The following GALNTL5 variants were observed in gnomAD, a reference collection of about 807,000 sequenced individuals.
GALNTL5 encodes polypeptide N-acetylgalactosaminyltransferase like 5, also known as inactive polypeptide N-acetylgalactosaminyltransferase-like protein 5.
A neutral mutation model predicts 51.0 loss-of-function variants in GALNTL5; 44 were observed. The observed-to-expected ratio is 0.86, with a 90% CI of 0.68 to 1.11. The LOEUF (loss-of-function observed/expected upper bound fraction) is 1.11, where lower values mean the gene tolerates loss of function less well. GALNTL5 is among the 50% of genes least tolerant of loss of function. GALNTL5 has a pLI of 0.00. For missense variants in GALNTL5, 528 were observed against 531.8 expected, an observed-to-expected ratio of 0.99 and a Z score of 0.07; for synonymous variants, 192 against 182.8, an observed-to-expected ratio of 1.05 and a Z score of -0.41.
chr7:151,956,724 A>G (rs1178467211), intron 1 of GALNTL5, 115 bp downstream of exon 1: 1 of 152,172 alleles, frequency 6.6e-6, no homozygotes, highest in East Asian at 1.9e-4. Flanking sequence ...AGGAGGTGCT[A>G]GCTCTGGGGA....
chr7:151,971,814 C>T (rs1029113536), intron 3 of GALNTL5, among the ~76,000 whole-genome samples: 10 of 151,108 alleles, frequency 6.6e-5, no homozygotes, highest in African/African-American at 2.2e-4. Flanking sequence ...GTAGCAGTTT[C>T]CCCTGCATTC....
chr7:151,996,895 G>A lies in GALNTL5; in HGVS notation c.659-5819G>A, dbSNP rs116379799. Among the ~76,000 whole-genome samples the A allele has an allele frequency of 2.2e-3, 328 of 152,072 alleles. 1 individual carries two copies. The highest frequency in any genetic ancestry group is 7.1e-3 in the African/African-American group (296 of 41,478). ...ATGTAAAATAAATTATATATAATGA[G>A]TTACGTTTAAGGGTGAAAATGTGGA... On this transcript the variant is annotated intron_variant, in intron 5 of 8. Coordinates refer to ENST00000392800, the MANE Select transcript of GALNTL5 (RefSeq NM_145292.4).
At chr7:151,972,997 A>G (rs2081163789) in intron 3 of GALNTL5, among the ~76,000 whole-genome samples, 2 of 152,080 alleles carry the variant, frequency 1.3e-5, no homozygotes, top group Non-Finnish European at 2.9e-5. Flanking sequence ...TGCACCATGC[A>G]CTTGGAAAAG....
chr7:151,963,011 A>G (rs771000192), intron 1 of GALNTL5, among the ~76,000 whole-genome samples: 17 of 152,196 alleles, frequency 1.1e-4, no homozygotes, highest in Non-Finnish European at 1.8e-4. Flanking sequence ...AGCCCTTTAC[A>G]TAGCTGAAAA....
intron 2 of GALNTL5, among the ~76,000 whole-genome samples, chr7:151,968,079 T>G (rs1193012975): frequency 6.6e-6 from 1 of 152,122 alleles, no homozygotes; most frequent in African/African-American, 2.4e-5. Context: ...GAGGATCACT[T>G]GAGGCCAGGA....
At chr7:151,958,485 C>T (rs919016588) in intron 1 of GALNTL5, among the ~76,000 whole-genome samples, 2 of 152,220 alleles carry the variant, frequency 1.3e-5, no homozygotes, top group Non-Finnish European at 2.9e-5. Context: ...CTCTCTGTCT[C>T]CTTCCTGCCA....
chr7:151,957,855 G>C (rs1409765930), intron 1 of GALNTL5: 1 of 151,978 alleles, frequency 6.6e-6, no homozygotes, highest in African/African-American at 2.4e-5. Context: ...AAGTCCAAAG[G>C]CCAATCACAC....
chr7:152,011,453 C>G (rs951074105), intron 7 of GALNTL5, among the ~76,000 whole-genome samples: 7 of 152,242 alleles, frequency 4.6e-5, no homozygotes, highest in African/African-American at 1.4e-4. Context: ...CACCTGATCT[C>G]CCCGACACCT....
chr7:152,018,358 C>CTGTT (rs969653850), intron 8 of GALNTL5, among the ~76,000 whole-genome samples: 15 of 152,102 alleles, frequency 9.9e-5, no homozygotes, highest in Non-Finnish European at 7.4e-5. Context: ...TATAGCTGAA[C>CTGTT]TGTTTGTTTG....
intron 1 of GALNTL5, among the ~76,000 whole-genome samples, chr7:151,958,567 AGG>A (rs2080953842): frequency 6.6e-6 from 1 of 152,068 alleles, no homozygotes; most frequent in South Asian, 2.1e-4. Flanking sequence ...AAACAGTGCA[AGG>A]GGTGTGTTGC....
At chr7:152,007,552 G>A (rs1009006194) in intron 6 of GALNTL5, among the ~76,000 whole-genome samples, 1 of 151,366 alleles carries the variant, frequency 6.6e-6, no homozygotes, top group Non-Finnish European at 1.5e-5. Context: ...CCGAGTAGCT[G>A]GGACTACAGG....
At chr7:152,019,025 T>C (rs2081854817) in intron 8 of GALNTL5, among the ~76,000 whole-genome samples, 1 of 152,222 alleles carries the variant, frequency 6.6e-6, no homozygotes. Context: ...TGGGGCTTCC[T>C]TAAGTCAGAG....
intron 5 of GALNTL5, among the ~76,000 whole-genome samples, chr7:151,998,207 T>C (rs2081524967): frequency 1.3e-5 from 2 of 152,140 alleles, no homozygotes; most frequent in South Asian, 2.1e-4. Flanking sequence ...AGACTGTCTC[T>C]GTAAAAACAT....
chr7:152,007,196 G>A (rs1268617446), intron 6 of GALNTL5, among the ~76,000 whole-genome samples: 4 of 152,064 alleles, frequency 2.6e-5, no homozygotes, highest in Non-Finnish European at 4.4e-5. Context: ...TTTAGAAAGG[G>A]AGAGCTCTGA....
intron 1 of GALNTL5, chr7:151,960,352 C>G (rs2080976350): frequency 6.6e-6 from 1 of 152,396 alleles, no homozygotes; most frequent in Admixed American, 6.5e-5. Flanking sequence ...CAGGGGCTTT[C>G]AGAACACCAC....
rs1563004351 is a variant in GALNTL5, at chr7:151,971,069, T to C, written c.368+4T>C. On this transcript the variant is annotated splice_donor_region_variant and intron_variant, in intron 3 of 8. Transcript: ENST00000392800. The stretch of plus-strand genomic sequence containing the variant: ...TGCCAGATACCAGGAGTAAAATGTA[T>C]GTTGTCTCTCTCTTTCTCTCATTCT... The C allele has an allele frequency of 6.2e-7, 1 of 1,604,354 alleles. No individual in the cohort carries two copies. The highest frequency in any genetic ancestry group is 8.5e-7 in the Non-Finnish European group (1 of 1,172,528).
At chr7:152,006,870 C>G (rs1450289075) in intron 6 of GALNTL5, among the ~76,000 whole-genome samples, 1 of 152,000 alleles carries the variant, frequency 6.6e-6, no homozygotes, top group Non-Finnish European at 1.5e-5. Context: ...CAGGTTCAAG[C>G]GATTCTCATG....
At chr7:152,008,006 A>G in intron 7 of GALNTL5, 62 bp downstream of exon 7, 1 of 895,930 alleles carries the variant, frequency 1.1e-6, no homozygotes, top group East Asian at 2.4e-5. Flanking sequence ...GTCACATACA[A>G]TGCTGTGGTA....
At chr7:151,985,923 C>T (rs1217193864) in intron 4 of GALNTL5, 1 of 152,316 alleles carries the variant, frequency 6.6e-6, no homozygotes, top group Non-Finnish European at 1.5e-5. Context: ...ATCCCTCCTT[C>T]TGCTGGGATT....
Sources: gnomAD v4.1 joint callset for allele counts (sites outside exome capture counted in the v4.1 genomes callset) on GRCh38, gnomAD v4.1.1 for gene constraint, MANE v1.5 for transcripts, NCBI Gene and HGNC (gene_info 2026-07-23, HGNC 2026-07-21) for gene names.